Variants in OTOA observed in about 807,000 individuals in gnomAD.
The protein encoded by OTOA is otoancorin.
A neutral mutation model predicts 110.8 loss-of-function variants in OTOA; 70 were observed. The ratio of observed to expected loss-of-function variants is 0.63; its 90% CI spans 0.52 to 0.77. The LOEUF (loss-of-function observed/expected upper bound fraction) is 0.77, where lower values mean the gene tolerates loss of function less well. Among genes scored for constraint, OTOA ranks in the 30% least tolerant of loss-of-function variants. The probability of loss-of-function intolerance (pLI) is 0.00; values close to 1 mark genes in which losing one functional copy is unlikely to be tolerated. For missense variants in OTOA, 917 were observed against 1,075.8 expected (o/e 0.85, Z 2.06); for synonymous variants, 373 against 431.5 (o/e 0.86, Z 1.68).
intron 6 of OTOA, among the ~76,000 whole-genome samples, 187 bp from the exon 7 acceptor site, chr16:21,685,043 C>T (rs983396970): frequency 3.9e-5 from 6 of 152,120 alleles, no homozygotes; most frequent in African/African-American, 2.4e-5. Context: ...AGCCACCGCG[C>T]CCGGCCCCTC....
At chr16:21,687,345 G>T in intron 7 of OTOA, 68 bp from the exon 8 acceptor site, 2 of 1,285,164 alleles carry the variant, frequency 1.6e-6, no homozygotes, top group Non-Finnish European at 2.3e-6. Flanking sequence ...GCAATGTGTG[G>T]TCCCTCCCAG....
At chr16:21,717,947 C>T (rs1009314824) in intron 15 of OTOA, among the ~76,000 whole-genome samples, 5 of 152,140 alleles carry the variant, frequency 3.3e-5, no homozygotes, top group Middle Eastern at 6.8e-3. Context: ...CAGTGGCAAC[C>T]GTTTTATTTT....
At chr16:21,678,376 A>G in intron 1 of OTOA, 135 bp from the exon 2 acceptor site, 1 of 554,412 alleles carries the variant, frequency 1.8e-6, no homozygotes, top group Non-Finnish European at 3.0e-6. Flanking sequence ...TTCTGGGTGT[A>G]CTTGGTTTTT....
At chr16:21,727,507 A>G (rs924009219) in intron 19 of OTOA, among the ~76,000 whole-genome samples, 1 of 152,190 alleles carries the variant, frequency 6.6e-6, no homozygotes, top group African/African-American at 2.4e-5. Flanking sequence ...ACCCACAGAT[A>G]CTCAGGACGG....
intron 5 of OTOA, among the ~76,000 whole-genome samples, chr16:21,679,969 G>A (rs766908866): frequency 6.6e-6 from 1 of 152,082 alleles, no homozygotes; most frequent in Non-Finnish European, 1.5e-5. Context: ...ATGGGGCAGG[G>A]AACTAGGTAG....
Position 21,688,459 on chromosome 16 carries a change from G to A in OTOA, c.635+811G>A, listed in dbSNP as rs577573245. On this transcript the variant is annotated intron_variant, in intron 8 of 28. Transcript: ENST00000646100. ...ATAAATAAATACAGTGGGAAAAAAA[G>A]TGTTACTAAATCCTAGCTAGATATG... Among the ~76,000 whole-genome samples, 174 of 152,202 alleles carry A rather than the reference G, an allele frequency of 1.1e-3. 1 individual carries two copies. The highest frequency in any genetic ancestry group is 2.1e-3 in the Non-Finnish European group (142 of 68,000).
chr16:21,668,241 T>G (rs1448922544), intron 1 of OTOA, among the ~76,000 whole-genome samples: 1 of 152,038 alleles, frequency 6.6e-6, no homozygotes, highest in Non-Finnish European at 1.5e-5. Flanking sequence ...CCTGAGTGGC[T>G]AGGACTACAG....
At chr16:21,756,643 C>T (rs537624848) in intron 27 of OTOA, among the ~76,000 whole-genome samples, 1 of 152,088 alleles carries the variant, frequency 6.6e-6, no homozygotes, top group South Asian at 2.1e-4. Context: ...ATCATGCTTC[C>T]CTTTTCAACT....
chr16:21,664,483 A>G (rs1292766462), intron 1 of OTOA, among the ~76,000 whole-genome samples: 17 of 152,128 alleles, frequency 1.1e-4, no homozygotes, highest in Non-Finnish European at 2.1e-4. Context: ...TAGTAATATA[A>G]TAACAGCGAT....
intron 1 of OTOA, 51 bp downstream of exon 1, chr16:21,664,283 G>C (rs1966823714): frequency 6.6e-6 from 1 of 152,218 alleles, no homozygotes; most frequent in Non-Finnish European, 1.5e-5. Context: ...CAAAGCGCTG[G>C]GGGAGCGGGT....
chr16:21,738,028 T>C (rs1357354095), intron 22 of OTOA, among the ~76,000 whole-genome samples: 2 of 152,272 alleles, frequency 1.3e-5, no homozygotes, highest in Non-Finnish European at 2.9e-5. Flanking sequence ...TTTCCATACA[T>C]AAGTAAAATA....
chr16:21,714,921 G>C, intron 13 of OTOA, 64 bp from the exon 14 acceptor site: 1 of 1,604,590 alleles, frequency 6.2e-7, no homozygotes, highest in Non-Finnish European at 8.5e-7. Context: ...TAGATGGGCT[G>C]AGTGCACGTT....
At chr16:21,730,326 C>T (rs1490743013) in intron 20 of OTOA, 1 of 155,082 alleles carries the variant, frequency 6.4e-6, no homozygotes, top group Admixed American at 6.3e-5. Context: ...TATATAATTA[C>T]TCTTCTATTG....
At chr16:21,704,351 A>C (rs1238336759) in intron 11 of OTOA, among the ~76,000 whole-genome samples, 1 of 152,132 alleles carries the variant, frequency 6.6e-6, no homozygotes, top group Non-Finnish European at 1.5e-5. Context: ...GGCTACCGGC[A>C]CCTTTCTTTC....
At chr16:21,666,411 A>T (rs1267380017) in intron 1 of OTOA, among the ~76,000 whole-genome samples, 1 of 151,876 alleles carries the variant, frequency 6.6e-6, no homozygotes, top group Non-Finnish European at 1.5e-5. Flanking sequence ...GCAGGAGGGG[A>T]ACCTCCTAGC....
At chr16:21,694,014 C>T (rs1031582433) in intron 9 of OTOA, among the ~76,000 whole-genome samples, 2 of 152,218 alleles carry the variant, frequency 1.3e-5, no homozygotes, top group Non-Finnish European at 2.9e-5. Flanking sequence ...AGCTTGAAGA[C>T]AGCTGTAGAC....
intron 3 of OTOA, 22 bp downstream of exon 3, chr16:21,678,965 A>C: frequency 1.2e-6 from 2 of 1,613,876 alleles, no homozygotes; most frequent in Non-Finnish European, 1.7e-6. Flanking sequence ...ATTTTCTGTT[A>C]ATCAGAGTCC....
chr16:21,703,107 CT>C (rs1327402820), intron 11 of OTOA, among the ~76,000 whole-genome samples: 1 of 152,050 alleles, frequency 6.6e-6, no homozygotes, highest in Non-Finnish European at 1.5e-5. Context: ...ACCTCACATA[CT>C]TTTTTTGCGG....
intron 21 of OTOA, among the ~76,000 whole-genome samples, chr16:21,735,841 G>A (rs1899275643): frequency 6.6e-6 from 1 of 152,126 alleles, no homozygotes; most frequent in Non-Finnish European, 1.5e-5. Context: ...TGATTTGCCT[G>A]CCTCGACCTC....
Sources: gnomAD v4.1 joint callset for allele counts (sites outside exome capture counted in the v4.1 genomes callset) on GRCh38, gnomAD v4.1.1 for gene constraint, MANE v1.5 for transcripts, NCBI Gene and HGNC (gene_info 2026-07-23, HGNC 2026-07-21) for gene names.